Variants in PPEF1 observed in about 807,000 individuals in gnomAD.
PPEF1 encodes protein phosphatase with EF-hand domain 1.
In PPEF1, 12 loss-of-function variants were observed where a neutral mutation model predicts 53.3. The observed-to-expected ratio is 0.23, with a 90% confidence interval of 0.14 to 0.36. PPEF1 has a LOEUF of 0.36. Ranked by LOEUF, PPEF1 falls within the 10% of genes least tolerant of loss-of-function variation. The probability of loss-of-function intolerance (pLI) is 1.00; values close to 1 mark genes in which losing one functional copy is unlikely to be tolerated. For missense variants in PPEF1, 334 were observed against 490.4 expected (o/e 0.68, Z 3.01); for synonymous variants, 165 against 176.7 (o/e 0.93, Z 0.52).
In PPEF1 at chrX:18,826,417, C is replaced by CTTT. The variant is rs58697941; in HGVS notation, c.1750+608_1750+610dup. On this transcript the variant is annotated intron_variant, in intron 15 of 15. Transcript: ENST00000470157. ...AAGGGCTATGAAAAGTCATTTTCTG[C>CTTT]TTTTTTTTTTTTTTTTTTTTTTTTT... Among the ~76,000 whole-genome samples, 140 of 24,631 alleles carry CTTT rather than the reference C, an allele frequency of 5.7e-3. 28 individuals carry two copies. The highest frequency in any genetic ancestry group is 0.028 in the African/African-American group (133 of 4,827). 21.4% of individuals were successfully genotyped at this position (24,631 alleles called of 115,157 possible).
At chrX:18,707,928 C>A in intron 1 of PPEF1, 102 bp downstream of exon 1, 1 of 766,984 alleles carries the variant, frequency 1.3e-6, no homozygotes, top group Non-Finnish European at 1.9e-6. Flanking sequence ...GCTCAAGCTG[C>A]CCTGTGTGAT....
chrX:18,809,087 C>T (rs2046745660), intron 12 of PPEF1, among the ~76,000 whole-genome samples: 1 of 87,277 alleles, frequency 1.1e-5, no homozygotes, highest in South Asian at 5.5e-4. Context: ...AGATATATCA[C>T]ATTATATCTA....
chrX:18,821,799 G>A (rs375280445), intron 13 of PPEF1, among the ~76,000 whole-genome samples: 91 of 16,354 alleles, frequency 5.6e-3, no homozygotes, highest in African/African-American at 9.8e-3. Context: ...GAGAGAGAGA[G>A]AGAGAAAACA....
At chrX:18,799,782 C>CT (rs1447744720) in intron 10 of PPEF1, among the ~76,000 whole-genome samples, 1 of 111,577 alleles carries the variant, frequency 9.0e-6, no homozygotes, top group Non-Finnish European at 1.9e-5. Flanking sequence ...ATTAATTAGT[C>CT]TTTCATGCAG....
At position 18,707,706 on chromosome X, in the gene PPEF1, A is replaced by G; in HGVS notation, c.-75A>G. ...GCTAAGAGTGGTTCCTCGCAGCTTA[A>G]AGGGAGGCACTTTTCACACTCTGTC... On this transcript the variant is annotated 5_prime_UTR_variant, in exon 1 of 16. Coordinates refer to ENST00000470157, the MANE Select transcript of PPEF1 (RefSeq NM_001377996.1). The G allele has an allele frequency of 1.0e-6, 1 of 990,872 alleles. No individual in the cohort carries two copies. The highest frequency in any genetic ancestry group is 1.4e-6 in the Non-Finnish European group (1 of 697,740). 81.7% of individuals were successfully genotyped at this position (990,872 alleles called of 1,213,427 possible). A position where few individuals can be genotyped will look rare whatever the true frequency, so the allele number is the denominator to read the frequency against.
At chrX:18,676,473 C>T (rs1023302556) in intron 1 of PPEF1, among the ~76,000 whole-genome samples, 1 of 109,736 alleles carries the variant, frequency 9.1e-6, no homozygotes, top group South Asian at 4.0e-4. Context: ...CATGGGGCCC[C>T]CTTCTAGTCT....
chrX:18,726,420 G>A (rs1020993993), intron 1 of PPEF1, among the ~76,000 whole-genome samples: 5 of 110,024 alleles, frequency 4.5e-5, no homozygotes, highest in Admixed American at 9.8e-5. Context: ...TTCAAAGGAA[G>A]GAAAGGTACA....
At chrX:18,749,747 T>TTCCCCC in intron 3 of PPEF1, 45 bp from the exon 4 acceptor site, 1 of 191,881 alleles carries the variant, frequency 5.2e-6, no homozygotes, top group Non-Finnish European at 1.1e-5. Context: ...AAATGTTGAT[T>TTCCCCC]CCCACCCCCA....
At chrX:18,776,247 T>TTG (rs755222719) in intron 6 of PPEF1, among the ~76,000 whole-genome samples, 41,717 of 104,192 alleles carry the variant, frequency 0.4, 7,141 homozygotes, top group Non-Finnish European at 0.46. Context: ...TTGGTTGGTT[T>TTG]GTTTTAGACA....
At chrX:18,800,929 T>C (rs1191641204) in intron 10 of PPEF1, among the ~76,000 whole-genome samples, 1 of 111,481 alleles carries the variant, frequency 9.0e-6, no homozygotes, top group African/African-American at 3.3e-5. Flanking sequence ...CATGTAGAAA[T>C]TGGAAGCTTA....
chrX:18,717,514 G>T (rs2044484873), intron 1 of PPEF1, among the ~76,000 whole-genome samples: 1 of 109,918 alleles, frequency 9.1e-6, no homozygotes, highest in Non-Finnish European at 1.9e-5. Context: ...GGGTGCATTT[G>T]TACCCGCTGT....
At chrX:18,749,062 A>G (rs1345419937) in intron 3 of PPEF1, among the ~76,000 whole-genome samples, 2 of 111,364 alleles carry the variant, frequency 1.8e-5, no homozygotes, top group Non-Finnish European at 3.8e-5. Flanking sequence ...AATTGTCTTG[A>G]TTTCTGTACT....
chrX:18,789,133 C>T lies in PPEF1; in HGVS notation c.925C>T (p.Leu309=). 1 of 1,211,130 alleles carries T rather than the reference C, an allele frequency of 8.3e-7. No individual in the cohort carries two copies. Among genetic ancestry groups the T allele is most frequent in the Non-Finnish European group, 1.1e-6 (1 of 895,058 alleles). ...RVERNKMKSV[L]IPPTETNRDH... The stretch of plus-strand genomic sequence containing the variant: ...ATTTGTTTTATAGATGAAATCTGTG[C>T]TGATACCACCAACGGAAACAAACAG... The change falls in exon 10 of 16, where the codon CTG becomes TTG. Residue 309 remains leucine, a synonymous_variant. Coordinates refer to ENST00000470157, the MANE Select transcript of PPEF1 (RefSeq NM_001377996.1).
At chrX:18,738,279 T>C (rs776356850) in intron 3 of PPEF1, among the ~76,000 whole-genome samples, 14 of 111,933 alleles carry the variant, frequency 1.3e-4, no homozygotes, top group African/African-American at 4.5e-4. Flanking sequence ...TTCCTTTCCA[T>C]GTTTAGTGCT....
intron 4 of PPEF1, among the ~76,000 whole-genome samples, chrX:18,697,144 G>T (rs1387643776): frequency 8.9e-6 from 1 of 111,884 alleles, no homozygotes; most frequent in Admixed American, 9.5e-5. Context: ...TATTGCCATG[G>T]ACTAACTAAA....
At chrX:18,707,070 G>A (rs866653451), upstream of PPEF1, among the ~76,000 whole-genome samples, 320 of 109,418 alleles carry the variant, frequency 2.9e-3, 2 homozygotes, top group Middle Eastern at 4.8e-3. Flanking sequence ...CTCGTAATCC[G>A]CCCGCCTCGG....
intron 2 of PPEF1, among the ~76,000 whole-genome samples, 162 bp from the exon 3 acceptor site, chrX:18,733,586 C>T (rs1050922517): frequency 2.7e-5 from 3 of 111,982 alleles, no homozygotes; most frequent in Non-Finnish European, 5.6e-5. Context: ...TGGATGCAGG[C>T]AGTCCTCTGG....
chrX:18,748,482 G>T (rs888370716), intron 3 of PPEF1, among the ~76,000 whole-genome samples: 3 of 112,454 alleles, frequency 2.7e-5, no homozygotes, highest in Admixed American at 9.5e-5. Context: ...TGAAGAGTAT[G>T]TCATTGTCCT....
At chrX:18,716,531 C>CA (rs34160021) in intron 1 of PPEF1, among the ~76,000 whole-genome samples, 1,067 of 44,368 alleles carry the variant, frequency 0.024, 46 homozygotes, top group African/African-American at 0.071. Context: ...GACACCATCT[C>CA]AAAAAAAAAA....
Sources: allele counts gnomAD v4.1 joint callset (sites outside exome capture counted in the v4.1 genomes callset), GRCh38; gene constraint gnomAD v4.1.1; transcripts MANE v1.5; gene names NCBI Gene and HGNC (gene_info 2026-07-23, HGNC 2026-07-21).